Variants in PREX1 observed in about 807,000 individuals in gnomAD.
The protein encoded by PREX1 is phosphatidylinositol 3,4,5-trisphosphate-dependent Rac exchanger 1 protein.
Under a neutral mutation model 198.3 loss-of-function variants are expected in PREX1, and 41 were observed. That is an observed-to-expected ratio of 0.21 (90% CI 0.16 to 0.27). The LOEUF (loss-of-function observed/expected upper bound fraction) is 0.27, where lower values mean the gene tolerates loss of function less well. Ranked by LOEUF, PREX1 falls within the 10% of genes least tolerant of loss-of-function variation. PREX1 has a pLI of 1.00. For synonymous variants in PREX1, 843 were observed against 887.2 expected (o/e 0.95, Z 0.89); for missense variants, 1,620 against 2,200.7 (o/e 0.74, Z 5.28).
Position 48,652,602 on chromosome 20 carries a change from T to C in PREX1, c.2451A>G (p.Glu817=), listed in dbSNP as rs1420454488. ...GTCTATTACCTGAATCAGCCTGGTC[T>C]TCCTCCTGGGCCTGCTCGCCACTGG... ...EDPSGEQAQE[E]DQADSAFPLL... is the part of the protein sequence containing the mutation. Residue 817 remains glutamate (E), a synonymous_variant, in exon 21 of 40, where the codon GAA becomes GAG. Coordinates refer to ENST00000371941, the MANE Select transcript of PREX1 (RefSeq NM_020820.4). 6.2e-7 allele frequency: 1 copy of C among 1,612,008 alleles called. No individual in the cohort carries two copies. Among genetic ancestry groups the C allele is most frequent in the Non-Finnish European group, 8.5e-7 (1 of 1,178,814 alleles).
At chr20:48,841,275 A>G in the PREX1 span, among the ~76,000 whole-genome samples, 1 of 152,222 alleles carries the variant, frequency 6.6e-6, no homozygotes, top group Admixed American at 6.5e-5. Flanking sequence ...TCTTCTGCAG[A>G]GAGCCAGAAA....
At chr20:48,657,328 T>C (rs2122925145) in intron 17 of PREX1, 140 bp from the exon 18 acceptor site, 1 of 1,058,248 alleles carries the variant, frequency 9.4e-7, no homozygotes, top group East Asian at 2.6e-5. Flanking sequence ...GTGCTGTCTG[T>C]GGTAAGCAGT....
In PREX1 at chr20:48,671,533, C is replaced by G. The variant is rs566352949; in HGVS notation, c.1665+4660G>C. ...CCAAACGCATGTGTAACTGATCCAG[C>G]AGGGATTTAATCAACATTTTATTTT... On this transcript the variant is annotated intron_variant, in intron 14 of 39. Coordinates refer to ENST00000371941, the MANE Select transcript of PREX1 (RefSeq NM_020820.4). Among the ~76,000 whole-genome samples, 8 of 152,326 alleles carry G rather than the reference C, an allele frequency of 5.3e-5. No individual in the cohort carries two copies. The East Asian group carries it at 1.5e-3, about 29-fold the overall frequency.
chr20:48,641,836 GAGAGAGGAAGGAAGGA>G (rs1425633554), intron 29 of PREX1, among the ~76,000 whole-genome samples: 1,598 of 116,834 alleles, frequency 0.014, 69 homozygotes, highest in African/African-American at 0.044. Context: ...GAGAGAGAGA[GAGAGAGGAAGGAAGGA>G]AGGAAGGAAG....
At chr20:48,630,817 A>C (rs748068923) in intron 35 of PREX1, 23 bp from the exon 36 acceptor site, 19 of 1,531,648 alleles carry the variant, frequency 1.2e-5, no homozygotes, top group Non-Finnish European at 1.5e-5. Flanking sequence ...GATGGGAATG[A>C]GGCGGGGGCC....
intron 16 of PREX1, 149 bp downstream of exon 16, chr20:48,659,770 G>T: frequency 9.2e-7 from 1 of 1,090,548 alleles, no homozygotes; most frequent in African/African-American, 1.6e-5. Context: ...CTGGCTTCTT[G>T]GCAGAGTTGC....
rs780014777 is a variant in PREX1 at position 48,630,717 on chromosome 20, C to G, written c.4593+11G>C. 1.9e-5 allele frequency: 30 copies of G among 1,577,234 alleles called. No individual in the cohort carries two copies. The highest frequency in any genetic ancestry group is 2.5e-5 in the Non-Finnish European group (29 of 1,146,850). On this transcript the variant is annotated intron_variant, in intron 36 of 39. Transcript: ENST00000371941. ...CCAAGCTCCCTGCAGCAGGAGGGCA[C>G]GTGGACATACCTGGTCTATCTTTAC...
At chr20:48,775,137 G>C (rs2090255181) in intron 1 of PREX1, among the ~76,000 whole-genome samples, 2 of 152,286 alleles carry the variant, frequency 1.3e-5, no homozygotes, top group Middle Eastern at 3.4e-3. Flanking sequence ...CTCGGCAAAT[G>C]ACGCATGTAG....
chr20:48,700,738 C>G lies in PREX1; in HGVS notation c.917+15G>C, dbSNP rs35913794. The G allele has an allele frequency of 0.2, 316,705 of 1,612,004 alleles. 35,019 individuals carry two copies. Among genetic ancestry groups the G allele is most frequent in the African/African-American group, 0.47 (35,125 of 74,882 alleles). ...GCAGCAGGCCAGACCCCATCCCAGC[C>G]TCCTGGCCACTCACCTGGATTTCCG... On this transcript the variant is annotated intron_variant, in intron 7 of 39. Coordinates refer to ENST00000371941, the MANE Select transcript of PREX1 (RefSeq NM_020820.4).
chr20:48,826,762 G>C (rs555459386), intron 1 of PREX1, among the ~76,000 whole-genome samples: 1 of 152,286 alleles, frequency 6.6e-6, no homozygotes, highest in South Asian at 2.1e-4. Flanking sequence ...GGGAGGCTGA[G>C]GCAAGAGAAT....
In PREX1 at chr20:48,650,159, G is replaced by C. The variant is rs780873333; in HGVS notation, c.2865C>G (p.Ala955=). The C allele has an allele frequency of 6.2e-7, 1 of 1,613,924 alleles. No homozygotes were observed. The highest frequency in any genetic ancestry group is 1.1e-5 in the South Asian group (1 of 91,060). The change falls in exon 24 of 40, where the codon GCC becomes GCG. Residue 955 remains alanine (A), a synonymous_variant. Transcript: ENST00000371941. ...KSRVSPPFKQ[A]PLEPHPLCGL... is the part of the protein sequence containing the mutation. Reference sequence around the variant, plus strand: ...CACACAGCGGGTGGGGCTCCAGGGGGGCTTGTTTGAAGGGTGGGCTGACCC... The same window carrying C: ...CACACAGCGGGTGGGGCTCCAGGGGCGCTTGTTTGAAGGGTGGGCTGACCC...
the PREX1 span, among the ~76,000 whole-genome samples, chr20:48,867,782 G>A: frequency 6.6e-6 from 1 of 151,986 alleles, no homozygotes; most frequent in Non-Finnish European, 1.5e-5. Context: ...GTGACAGAGT[G>A]AGACTCTGTC....
At chr20:48,732,355 G>A (rs532387774) in intron 4 of PREX1, among the ~76,000 whole-genome samples, 15 of 152,128 alleles carry the variant, frequency 9.9e-5, no homozygotes, top group Admixed American at 5.9e-4. Context: ...GTTGGAGACT[G>A]AGTGAAGGAG....
chr20:48,652,422 A>T (rs2089506033), intron 21 of PREX1, among the ~76,000 whole-genome samples, 164 bp downstream of exon 21: 1 of 151,926 alleles, frequency 6.6e-6, no homozygotes, highest in Non-Finnish European at 1.5e-5. Context: ...CCTGGGTGAC[A>T]GAGCCAGAAC....
At position 48,650,161 on chromosome 20, in the gene PREX1, C is replaced by G. The variant is rs945081633; in HGVS notation, c.2863G>C (p.Ala955Pro). Reference protein sequence around the residue: ...KSRVSPPFKQAPLEPHPLCGL... With the variant: ...KSRVSPPFKQPPLEPHPLCGL... The stretch of plus-strand genomic sequence containing the variant: ...CACAGCGGGTGGGGCTCCAGGGGGG[C>G]TTGTTTGAAGGGTGGGCTGACCCTG... Residue 955 changes from alanine to proline, a missense_variant, in exon 24 of 40, where the codon GCC becomes CCC. Physicochemically the swap from Ala to Pro is conservative, Grantham distance 27 (BLOSUM62 -1). This residue lies in a region of PREX1 where 514 missense variants were observed against 611.6 expected (regional missense o/e 0.84). Transcript: ENST00000371941. The G allele has an allele frequency of 6.2e-7, 1 of 1,613,652 alleles. No individual in the cohort carries two copies. Among genetic ancestry groups the G allele is most frequent in the Non-Finnish European group, 8.5e-7 (1 of 1,179,898 alleles).
At chr20:48,797,451 C>A (rs1298937207) in intron 1 of PREX1, among the ~76,000 whole-genome samples, 1 of 151,928 alleles carries the variant, frequency 6.6e-6, no homozygotes. Flanking sequence ...TTTTACCACC[C>A]CTCTTGTCTC....
intron 1 of PREX1, among the ~76,000 whole-genome samples, chr20:48,813,833 A>T (rs1407537091): frequency 6.6e-6 from 1 of 152,228 alleles, no homozygotes; most frequent in Non-Finnish European, 1.5e-5. Context: ...ATACACACAA[A>T]ATATCATTTT....
In PREX1 at chr20:48,666,212, C is replaced by T; in HGVS notation, c.1738+71G>A. ...AGCCACAGACCTGGCTTCAGTCCTC[C>T]CATACTCCCCCAAACCATCAGCTCC... On this transcript the variant is annotated intron_variant, in intron 15 of 39. Transcript: ENST00000371941. This position sits in a 1 kb window ranked among gnomAD's most constrained non-coding sequence, Gnocchi z 4.3. 1 of 1,458,910 alleles carries T rather than the reference C, an allele frequency of 6.9e-7. No homozygotes were observed. The allele number at this position is 1,458,910 out of a possible 1,614,324, so 90.4% of individuals were successfully genotyped here.
At chr20:48,851,764 T>G in the PREX1 span, among the ~76,000 whole-genome samples, 1 of 152,152 alleles carries the variant, frequency 6.6e-6, no homozygotes, top group Non-Finnish European at 1.5e-5. Context: ...CATGGGGACA[T>G]TGCCTGATCG....
Sources: gnomAD v4.1 joint callset for allele counts (sites outside exome capture counted in the v4.1 genomes callset) on GRCh38, gnomAD v4.1.1 for gene constraint, gnomAD v4.1.1 regional missense constraint, Gnocchi (gnomAD v3.1) non-coding constraint, MANE v1.5 for transcripts, NCBI Gene and HGNC (gene_info 2026-07-23, HGNC 2026-07-21) for gene names.